Variants in TMEM92 observed in about 807,000 individuals in gnomAD.
TMEM92 encodes transmembrane protein 92.
Under a neutral mutation model 14.6 loss-of-function variants are expected in TMEM92, and 15 were observed. The ratio of observed to expected loss-of-function variants is 1.03; its 90% CI spans 0.69 to 1.58. The LOEUF (loss-of-function observed/expected upper bound fraction) is 1.58, where lower values mean the gene tolerates loss of function less well. Among genes scored for constraint, TMEM92 ranks in the 40% most tolerant of loss-of-function variants. The pLI is 0.00. For synonymous variants in TMEM92, 85 were observed against 83.3 expected (o/e 1.02, Z -0.11); for missense variants, 174 against 202.4 (o/e 0.86, Z 0.85).
Position 50,278,588 on chromosome 17 carries a change from A to T in TMEM92, c.128A>T (p.Asp43Val), listed in dbSNP as rs767853248. ...ACPKGFKCCG[D>V]SCCQENELFP... is the part of the protein sequence containing the mutation. ...CCCAAAGGATTCAAATGCTGTGGTG[A>T]CAGCTGCTGCCAGGAGAACGAGCTC... The change falls in exon 3 of 5, where the codon GAC becomes GTC. Residue 43 changes from aspartate to valine, a missense_variant. Transcript: ENST00000507382. 3 of 1,613,866 alleles carry T rather than the reference A, an allele frequency of 1.9e-6. No homozygotes were observed. Among genetic ancestry groups the T allele is most frequent in the Admixed American group, 3.3e-5 (2 of 59,988 alleles).
chr17:50,278,867 C>A lies in TMEM92; in HGVS notation c.237C>A (p.Phe79Leu), dbSNP rs958998901. Reference sequence around the variant, plus strand: ...GCATCTGTGGCCTGGCTAAGTGCTTCTGTCGCAACTGCAGAGAGCCGGAGC... The same window carrying A: ...GCATCTGTGGCCTGGCTAAGTGCTTATGTCGCAACTGCAGAGAGCCGGAGC... ...VFCICGLAKCFCRNCREPEPD... is the reference protein window; with the variant it reads ...VFCICGLAKCLCRNCREPEPD... Residue 79 changes from phenylalanine (F) to leucine (L), a missense_variant, in exon 4 of 5, where the codon TTC becomes TTA. Physicochemically the swap from Phe to Leu is conservative, Grantham distance 22. Coordinates refer to ENST00000507382, the MANE Select transcript of TMEM92 (RefSeq NM_153229.3). 4 of 1,613,874 alleles carry A rather than the reference C, an allele frequency of 2.5e-6. No homozygotes were observed. The highest frequency in any genetic ancestry group is 3.4e-6 in the Non-Finnish European group (4 of 1,179,898).
chr17:50,271,865 C>T (rs554294003), upstream of TMEM92, among the ~76,000 whole-genome samples: 1 of 152,006 alleles, frequency 6.6e-6, no homozygotes, highest in African/African-American at 2.4e-5. Context: ...AAGGTAAAAC[C>T]CTGTCTCTAC....
At chr17:50,272,628 C>T (rs1204047825), upstream of TMEM92, among the ~76,000 whole-genome samples, 1 of 152,142 alleles carries the variant, frequency 6.6e-6, no homozygotes, top group Non-Finnish European at 1.5e-5. Flanking sequence ...GGGGCCAGAT[C>T]CCAATACCCC....
At chr17:50,273,461 G>C (rs1910319500), upstream of TMEM92, among the ~76,000 whole-genome samples, 1 of 152,372 alleles carries the variant, frequency 6.6e-6, no homozygotes, top group Non-Finnish European at 1.5e-5. Flanking sequence ...CTGCTCGCCC[G>C]CGCCCCGGCG....
rs1689665373 is a variant in TMEM92, at chr17:50,280,466, G to A, written c.*1158G>A. On this transcript the variant is annotated 3_prime_UTR_variant, in exon 5 of 5. Coordinates refer to ENST00000507382, the MANE Select transcript of TMEM92 (RefSeq NM_153229.3). The stretch of plus-strand genomic sequence containing the variant: ...TGGCATAGTCATGCAGAATGGGGCG[G>A]GACAATGCCAATGCCTTGGGACTCA... 6.6e-6 allele frequency: 1 copy of A among 152,302 alleles called. No individual in the cohort carries two copies. Among genetic ancestry groups the A allele is most frequent in the Non-Finnish European group, 1.5e-5 (1 of 68,096 alleles). The allele number at this position is 152,302 out of a possible 1,614,324, so 9.4% of individuals were successfully genotyped here. A position where few individuals can be genotyped will look rare whatever the true frequency, so the allele number is the denominator to read the frequency against.
At chr17:50,277,283 C>A (rs1161755295) in intron 1 of TMEM92, among the ~76,000 whole-genome samples, 1 of 152,054 alleles carries the variant, frequency 6.6e-6, no homozygotes. Flanking sequence ...GGTCTCTACC[C>A]CAGGGAGCCA....
intron 1 of TMEM92, among the ~76,000 whole-genome samples, chr17:50,277,399 C>T (rs1211946024): frequency 1.3e-5 from 2 of 151,494 alleles, no homozygotes; most frequent in African/African-American, 4.9e-5. Flanking sequence ...TAAGGAAAGT[C>T]GCTAGTGCCC....
chr17:50,273,012 G>A (rs1910299783), upstream of TMEM92, among the ~76,000 whole-genome samples: 1 of 152,160 alleles, frequency 6.6e-6, no homozygotes, highest in Non-Finnish European at 1.5e-5. Flanking sequence ...ACATGACTGG[G>A]AGAGATGAGG....
rs772098844 is a variant in TMEM92, at chr17:50,279,265, A to T, written c.437A>T (p.Glu146Val). ...PPPPYSFRPE[E>V]YTGDQRGIDN... ...CCTCCCTACAGCTTCAGGCCTGAAG[A>T]ATATACCGGGGATCAGAGGGGCATT... Residue 146 changes from glutamate (E) to valine (V), a missense_variant, in exon 5 of 5, where the codon GAA becomes GTA. By Grantham distance (121) the Glu-to-Val change is moderately radical. Transcript: ENST00000507382. 6.2e-7 allele frequency: 1 copy of T among 1,613,504 alleles called. No homozygotes were observed. Among genetic ancestry groups the T allele is most frequent in the Admixed American group, 1.7e-5 (1 of 59,894 alleles).
At chr17:50,273,714 G>A (rs1396772295), upstream of TMEM92, among the ~76,000 whole-genome samples, 1 of 152,124 alleles carries the variant, frequency 6.6e-6, no homozygotes, top group Non-Finnish European at 1.5e-5. Context: ...AACACAATGG[G>A]GTGATATCCC....
upstream of TMEM92, chr17:50,274,419 G>T (rs1299310510): frequency 2.0e-5 from 30 of 1,492,958 alleles, 1 homozygote; most frequent in Non-Finnish European, 2.8e-5. Context: ...ATCCCGAGGC[G>T]GGGCCCCATA....
chr17:50,277,121 A>T (rs994479208), intron 1 of TMEM92, among the ~76,000 whole-genome samples: 2 of 152,132 alleles, frequency 1.3e-5, no homozygotes, highest in African/African-American at 4.8e-5. Context: ...AGAGCATGGA[A>T]TCCCTTAGGC....
At position 50,274,528 on chromosome 17, in the gene TMEM92, C is replaced by G; in HGVS notation, c.27C>G (p.Leu9=). 1 of 1,613,978 alleles carries G rather than the reference C, an allele frequency of 6.2e-7. No individual in the cohort carries two copies. MSQAWVPG[L]APTLLFSLLA... is the part of the protein sequence containing the mutation. Reference sequence around the variant, plus strand: ...TGTCCCAAGCTTGGGTCCCCGGCCTCGCGCCCACCTTGCTGTTCAGCCTGC... The same window carrying G: ...TGTCCCAAGCTTGGGTCCCCGGCCTGGCGCCCACCTTGCTGTTCAGCCTGC... The change falls in exon 1 of 5, where the codon CTC becomes CTG. Residue 9 remains leucine (L), a synonymous_variant. Transcript: ENST00000507382.
Position 50,279,539 on chromosome 17 carries a change from G to C in TMEM92, c.*231G>C. ...TCCGCCCACCCCCCAGCCCAAGAAA[G>C]AGGCTGCCGGAAAGAAAATGCTGAC... On this transcript the variant is annotated 3_prime_UTR_variant, in exon 5 of 5. Transcript: ENST00000507382. 2 of 490,426 alleles carry C rather than the reference G, an allele frequency of 4.1e-6. No individual in the cohort carries two copies. Among genetic ancestry groups the C allele is most frequent in the Non-Finnish European group, 7.3e-6 (2 of 274,312 alleles). 30.4% of individuals were successfully genotyped at this position (490,426 alleles called of 1,614,324 possible).
chr17:50,277,782 G>A, intron 2 of TMEM92, 42 bp downstream of exon 2: 1 of 1,613,220 alleles, frequency 6.2e-7, no homozygotes. Flanking sequence ...GGAGCGGGGA[G>A]GAGCAACCTA....
intron 3 of TMEM92, 44 bp from the exon 4 acceptor site, chr17:50,278,757 G>A (rs1910513099): frequency 6.3e-7 from 1 of 1,579,434 alleles, no homozygotes; most frequent in Non-Finnish European, 8.6e-7. Flanking sequence ...GAGTCCCCAG[G>A]GTGGCCTGGG....
intron 1 of TMEM92, among the ~76,000 whole-genome samples, chr17:50,277,206 G>A (rs1910455617): frequency 6.6e-6 from 1 of 152,142 alleles, no homozygotes; most frequent in South Asian, 2.1e-4. Context: ...CCCAGCGGGT[G>A]TGTGTGAGAG....
At chr17:50,272,218 C>T (rs1028051912), upstream of TMEM92, among the ~76,000 whole-genome samples, 4 of 152,024 alleles carry the variant, frequency 2.6e-5, no homozygotes, top group Admixed American at 2.0e-4. Flanking sequence ...CACTGGTGCC[C>T]GCCTAGTTCC....
intron 1 of TMEM92, among the ~76,000 whole-genome samples, chr17:50,277,268 C>G: frequency 6.6e-6 from 1 of 152,166 alleles, no homozygotes; most frequent in South Asian, 2.1e-4. Context: ...GCTGCTCACT[C>G]GGGAGGTCTC....
Sources: allele counts gnomAD v4.1 joint callset (sites outside exome capture counted in the v4.1 genomes callset), GRCh38; gene constraint gnomAD v4.1.1; transcripts MANE v1.5; gene names NCBI Gene and HGNC (gene_info 2026-07-23, HGNC 2026-07-21).